ELAVL2: variants seen among roughly 807,000 people sequenced by gnomAD.
ELAVL2 encodes the protein ELAV like RNA binding protein 2, also known as ELAV-like protein 2.
In ELAVL2, 4 loss-of-function variants were observed where a neutral mutation model predicts 34.6. The ratio of observed to expected loss-of-function variants is 0.12; its 90% CI spans 0.06 to 0.26. The LOEUF is 0.26. ELAVL2 is among the 10% of genes least tolerant of loss of function. ELAVL2 has a pLI of 1.00. For missense variants in ELAVL2, 432 were observed against 442.8 expected (o/e 0.98, Z 0.22); for synonymous variants, 193 against 154.8 (o/e 1.25, Z -1.83).
chr9:23,700,484 T>TA (rs1203033639), intron 5 of ELAVL2, among the ~76,000 whole-genome samples: 25 of 152,250 alleles, frequency 1.6e-4, no homozygotes, highest in African/African-American at 6.0e-4. Flanking sequence ...TGAGATAGAG[T>TA]GTCTTCTTTG....
intron 1 of ELAVL2, among the ~76,000 whole-genome samples, chr9:23,770,323 G>C (rs1305548912): frequency 6.6e-6 from 1 of 152,172 alleles, no homozygotes; most frequent in Non-Finnish European, 1.5e-5. Flanking sequence ...TTTGAACCAA[G>C]GTTTGAAGGA....
intron 3 of ELAVL2, among the ~76,000 whole-genome samples, chr9:23,717,133 G>GA (rs1331840363): frequency 6.6e-6 from 1 of 152,102 alleles, no homozygotes; most frequent in Non-Finnish European, 1.5e-5. Flanking sequence ...ACTATAACTA[G>GA]AAGAAAAACT....
the ELAVL2 span, among the ~76,000 whole-genome samples, chr9:23,840,853 C>A: frequency 1.8e-4 from 28 of 152,200 alleles, no homozygotes; most frequent in African/African-American, 6.5e-4. Context: ...TAGTTCATTT[C>A]TAACTGTCCT....
chr9:23,763,937 G>T (rs986090949), intron 1 of ELAVL2, among the ~76,000 whole-genome samples: 1 of 152,118 alleles, frequency 6.6e-6, no homozygotes, highest in Admixed American at 6.6e-5. Flanking sequence ...AGGGATGAAG[G>T]AAAATAAACC....
At chr9:23,751,192 A>C (rs1369485342) in intron 2 of ELAVL2, among the ~76,000 whole-genome samples, 1 of 152,214 alleles carries the variant, frequency 6.6e-6, no homozygotes, top group Non-Finnish European at 1.5e-5. Context: ...TTCCCTACAA[A>C]ATCAAAGCAG....
intron 2 of ELAVL2, among the ~76,000 whole-genome samples, chr9:23,758,916 C>G (rs13287456): frequency 0.034 from 5,165 of 152,010 alleles, 93 homozygotes; most frequent in East Asian, 0.074. Flanking sequence ...AGTATCTCAC[C>G]AAATGAAGGT....
At chr9:23,847,865 C>T in the ELAVL2 span, among the ~76,000 whole-genome samples, 1 of 151,856 alleles carries the variant, frequency 6.6e-6, no homozygotes, top group Admixed American at 6.6e-5. Flanking sequence ...TTCAATTACC[C>T]AGCTTATTTT....
rs1468193716 is a variant in ELAVL2, at chr9:23,690,406, TA to T, written c.*2150del. ...TGTTTTCCCTTGAGGGAAACCTTATTATTTTTTTTTAAGTATATACATGTAT... is the reference window on the plus strand; with the variant it reads ...TGTTTTCCCTTGAGGGAAACCTTATTTTTTTTTTTAAGTATATACATGTAT... On this transcript the variant is annotated 3_prime_UTR_variant, in exon 7 of 7. Coordinates refer to ENST00000397312, the MANE Select transcript of ELAVL2 (RefSeq NM_004432.5). 3 of 152,536 alleles carry T rather than the reference TA, an allele frequency of 2.0e-5. No individual in the cohort carries two copies. The highest frequency in any genetic ancestry group is 3.9e-4 in the East Asian group (2 of 5,194). The allele number at this position is 152,536 out of a possible 1,614,324, so 9.4% of individuals were successfully genotyped here.
chr9:23,785,824 T>C lies in ELAVL2; in HGVS notation c.-15-23575A>G, dbSNP rs563334300. Among the ~76,000 whole-genome samples, 10 of 152,184 alleles carry C rather than the reference T, an allele frequency of 6.6e-5. No homozygotes were observed. The South Asian group carries it at 1.4e-3, about 22-fold the overall frequency. On this transcript the variant is annotated intron_variant, in intron 1 of 6. Transcript: ENST00000397312. ...ACAATGGGAAAAGTAGTTGATCGGT[T>C]TGATAGAGGAAGAGACACTGGGTCC...
At chr9:23,705,538 C>T (rs2039032156) in intron 3 of ELAVL2, among the ~76,000 whole-genome samples, 1 of 152,230 alleles carries the variant, frequency 6.6e-6, no homozygotes, top group African/African-American at 2.4e-5. Flanking sequence ...AATAGGCTGT[C>T]TTCTGTGGGG....
At chr9:23,701,684 T>C in intron 4 of ELAVL2, 80 bp from the exon 5 acceptor site, 1 of 1,452,592 alleles carries the variant, frequency 6.9e-7, no homozygotes. Flanking sequence ...CACATTAATT[T>C]TTCCTTCTCA....
intron 1 of ELAVL2, among the ~76,000 whole-genome samples, chr9:23,797,838 G>A (rs937350111): frequency 6.6e-6 from 1 of 152,148 alleles, no homozygotes; most frequent in African/African-American, 2.4e-5. Context: ...TGAGGCAGGA[G>A]AATCTCTTGA....
chr9:23,850,072 C>T, the ELAVL2 span, among the ~76,000 whole-genome samples: 1 of 151,110 alleles, frequency 6.6e-6, no homozygotes, highest in African/African-American at 2.4e-5. Flanking sequence ...ACAATCAAAC[C>T]CCAGAGCAAG....
intron 1 of ELAVL2, among the ~76,000 whole-genome samples, chr9:23,813,657 G>C (rs989901007): frequency 5.3e-5 from 8 of 152,312 alleles, no homozygotes; most frequent in African/African-American, 1.9e-4. Flanking sequence ...GGGGGGAGGA[G>C]AGAAAAGGTA....
At chr9:23,716,089 C>T (rs2042227351) in intron 3 of ELAVL2, among the ~76,000 whole-genome samples, 1 of 149,046 alleles carries the variant, frequency 6.7e-6, no homozygotes, top group South Asian at 2.1e-4. Flanking sequence ...ACCACATGTT[C>T]TCACTCATAG....
intron 1 of ELAVL2, among the ~76,000 whole-genome samples, chr9:23,762,671 C>G (rs1213804379): frequency 2.0e-5 from 3 of 152,048 alleles, no homozygotes; most frequent in Non-Finnish European, 4.4e-5. Context: ...CTACCTAACT[C>G]TGAAGAGATT....
At chr9:23,698,171 T>C (rs1373606860) in intron 5 of ELAVL2, among the ~76,000 whole-genome samples, 1 of 152,184 alleles carries the variant, frequency 6.6e-6, no homozygotes, top group African/African-American at 2.4e-5. Context: ...AATAAAATTA[T>C]AGCTGTTTCA....
chr9:23,809,280 TTTA>T (rs1404641747), intron 1 of ELAVL2, among the ~76,000 whole-genome samples: 1 of 152,104 alleles, frequency 6.6e-6, no homozygotes, highest in Admixed American at 6.5e-5. Flanking sequence ...AAGGACAATA[TTTA>T]TACTCTAGGA....
chr9:23,710,437 T>C (rs1003539662), intron 3 of ELAVL2, among the ~76,000 whole-genome samples: 6 of 152,252 alleles, frequency 3.9e-5, no homozygotes, highest in Non-Finnish European at 7.3e-5. Flanking sequence ...GATTCATCAA[T>C]GGAAAGATCA....
Sources: gnomAD v4.1 joint callset for allele counts (sites outside exome capture counted in the v4.1 genomes callset) on GRCh38, gnomAD v4.1.1 for gene constraint, MANE v1.5 for transcripts, NCBI Gene and HGNC (gene_info 2026-07-23, HGNC 2026-07-21) for gene names.